The following ZBTB46 variants were observed in gnomAD, a reference collection of about 807,000 sequenced individuals.
ZBTB46 encodes the protein zinc finger and BTB domain containing 46, also known as zinc finger and BTB domain-containing protein 46.
Under a neutral mutation model 44.1 loss-of-function variants are expected in ZBTB46, and 8 were observed. The observed-to-expected ratio is 0.18, with a 90% CI of 0.11 to 0.33. The LOEUF (loss-of-function observed/expected upper bound fraction) is 0.33, where lower values mean the gene tolerates loss of function less well. ZBTB46 is among the 10% of genes least tolerant of loss of function. The pLI is 1.00. For missense variants in ZBTB46, 651 were observed against 847.7 expected, an observed-to-expected ratio of 0.77 and a Z score of 2.88; for synonymous variants, 409 against 382.3, an observed-to-expected ratio of 1.07 and a Z score of -0.81.
intron 1 of ZBTB46, among the ~76,000 whole-genome samples, chr20:63,792,230 G>A (rs1277216914): frequency 6.6e-6 from 1 of 152,118 alleles, no homozygotes; most frequent in Non-Finnish European, 1.5e-5. Context: ...AAGGGGACAC[G>A]TTCACCCCAC....
intron 3 of ZBTB46, among the ~76,000 whole-genome samples, chr20:63,764,398 T>C (rs1360215812): frequency 6.6e-6 from 1 of 151,558 alleles, no homozygotes; most frequent in Non-Finnish European, 1.5e-5. Context: ...ATCGCACCAT[T>C]GCACTCCAGC....
chr20:63,808,976 C>CAAAAA (rs1157399042), intron 1 of ZBTB46, among the ~76,000 whole-genome samples: 13 of 75,176 alleles, frequency 1.7e-4, no homozygotes, highest in Non-Finnish European at 1.9e-4. Flanking sequence ...GACTCCGCTT[C>CAAAAA]AAAAAAAAAA....
intron 3 of ZBTB46, among the ~76,000 whole-genome samples, chr20:63,765,226 T>C (rs1228246461): frequency 6.6e-6 from 1 of 151,950 alleles, no homozygotes; most frequent in Non-Finnish European, 1.5e-5. Flanking sequence ...GCCCCTCAAG[T>C]CCCGGCTCCT....
At chr20:63,802,718 G>A (rs1363089986) in intron 1 of ZBTB46, among the ~76,000 whole-genome samples, 3 of 147,682 alleles carry the variant, frequency 2.0e-5, no homozygotes, top group Non-Finnish European at 4.5e-5. Context: ...CAGGCCCCCA[G>A]CACCCTCCCA....
At chr20:63,782,170 G>A (rs1408044166) in intron 2 of ZBTB46, among the ~76,000 whole-genome samples, 1 of 147,564 alleles carries the variant, frequency 6.8e-6, no homozygotes, top group Non-Finnish European at 1.5e-5. Context: ...GTGAGCCAAT[G>A]ACTCCTGCAG....
At chr20:63,794,920 A>C (rs1373863500) in intron 1 of ZBTB46, among the ~76,000 whole-genome samples, 1 of 152,186 alleles carries the variant, frequency 6.6e-6, no homozygotes, top group East Asian at 1.9e-4. Context: ...CACTTGGTAC[A>C]TCTCAGGTCC....
intron 3 of ZBTB46, among the ~76,000 whole-genome samples, chr20:63,754,532 G>A (rs891997785): frequency 2.6e-5 from 4 of 152,100 alleles, no homozygotes; most frequent in Non-Finnish European, 5.9e-5. Context: ...CTGGGCTCAA[G>A]CGATCCTCCC....
At position 63,803,566 on chromosome 20, in the gene ZBTB46, C is replaced by A; in HGVS notation, c.-33-12776G>T. The A allele has an allele frequency of 1.0e-6, 1 of 967,408 alleles. No individual in the cohort carries two copies. The highest frequency in any genetic ancestry group is 1.2e-6 in the Non-Finnish European group (1 of 818,942). 59.9% of individuals were successfully genotyped at this position (967,408 alleles called of 1,614,324 possible). A position where few individuals can be genotyped will look rare whatever the true frequency, so the allele number is the denominator to read the frequency against. ...GTCTGCCGGCCCCGGGCTGCCCAGG[C>A]CCCGGGCTGCCCAGGTCTCTGTCGG... On this transcript the variant is annotated intron_variant, in intron 1 of 4. Coordinates refer to ENST00000245663, the MANE Select transcript of ZBTB46 (RefSeq NM_001369741.1). The surrounding 1 kb of genome is among the most constrained non-coding windows in gnomAD (Gnocchi z 4.0).
chr20:63,756,262 A>G (rs1277703573), intron 3 of ZBTB46, among the ~76,000 whole-genome samples: 1 of 152,208 alleles, frequency 6.6e-6, no homozygotes, highest in African/African-American at 2.4e-5. Context: ...TTTTCATGAT[A>G]GTGTCAAAGA....
intron 4 of ZBTB46, among the ~76,000 whole-genome samples, chr20:63,751,698 A>AAGCCCCGCCCCCCGGTGGGTCTCCCCATG (rs2092165517): frequency 4.2e-5 from 2 of 47,158 alleles, no homozygotes. Context: ...GTCTCCCCAT[A>AAGCCCCGCCCCCCGGTGGGTCTCCCCATG]AAGCCCCGCC....
intron 1 of ZBTB46, among the ~76,000 whole-genome samples, chr20:63,829,493 C>T (rs2146114591): frequency 6.6e-6 from 1 of 152,370 alleles, no homozygotes; most frequent in African/African-American, 2.4e-5. Flanking sequence ...AGTAACTCCC[C>T]AGCCCTCTTC....
chr20:63,768,531 C>T, intron 3 of ZBTB46, among the ~76,000 whole-genome samples: 2 of 152,116 alleles, frequency 1.3e-5, no homozygotes, highest in African/African-American at 2.4e-5. Flanking sequence ...CTCTTGAACC[C>T]CGAAGGTGGA....
intron 3 of ZBTB46, chr20:63,769,468 TCTTCCCGG>T: frequency 1.0e-6 from 1 of 983,626 alleles, no homozygotes; most frequent in Non-Finnish European, 1.2e-6. Context: ...GCACTGACGA[TCTTCCCGG>T]CATGCGGTGT....
At chr20:63,817,257 T>A (rs1242650919) in intron 1 of ZBTB46, among the ~76,000 whole-genome samples, 4 of 151,704 alleles carry the variant, frequency 2.6e-5, no homozygotes, top group Admixed American at 6.6e-5. Flanking sequence ...AGTAAAAAAA[T>A]TAGCCAGGTA....
In ZBTB46 at chr20:63,790,789, C is replaced by T; in HGVS notation, c.-32G>A. On this transcript the variant is annotated splice_region_variant and 5_prime_UTR_variant, in exon 2 of 5. Transcript: ENST00000245663. Reference sequence around the variant, plus strand: ...GCCCTGGTGTCGCCTCTTCTACAGACTCTGTGGAGGTAAGAACAAGAGTTA... The same window carrying T: ...GCCCTGGTGTCGCCTCTTCTACAGATTCTGTGGAGGTAAGAACAAGAGTTA... The T allele has an allele frequency of 6.4e-7, 1 of 1,560,660 alleles. No homozygotes were observed. The highest frequency in any genetic ancestry group is 1.3e-5 in the African/African-American group (1 of 74,078).
At chr20:63,826,065 C>T (rs1477179227) in intron 1 of ZBTB46, among the ~76,000 whole-genome samples, 1 of 152,248 alleles carries the variant, frequency 6.6e-6, no homozygotes, top group Non-Finnish European at 1.5e-5. Context: ...CACATCTCCA[C>T]AGAGGAGCAC....
intron 4 of ZBTB46, among the ~76,000 whole-genome samples, chr20:63,748,066 C>T (rs1029089807): frequency 6.0e-5 from 9 of 150,734 alleles, no homozygotes; most frequent in African/African-American, 2.2e-4. Flanking sequence ...CAGCCCCTGA[C>T]CCCCTCAGTC....
Position 63,790,215 on chromosome 20 carries a change from G to C in ZBTB46, c.543C>G (p.Ser181=), listed in dbSNP as rs758401422. The C allele has an allele frequency of 6.2e-7, 1 of 1,612,454 alleles. No homozygotes were observed. Among genetic ancestry groups the C allele is most frequent in the African/African-American group, 1.3e-5 (1 of 74,926 alleles). The stretch of plus-strand genomic sequence containing the variant: ...GACAGCTGGCGATGGCCGAGTCTCC[G>C]GAAGAATTGGCAGGACTCGTTCGCC... ...LARRTSPANS[S]GDSAIASCHD... is the part of the protein sequence containing the mutation. The change falls in exon 2 of 5, where the codon TCC becomes TCG. Residue 181 remains serine, a synonymous_variant. Coordinates refer to ENST00000245663, the MANE Select transcript of ZBTB46 (RefSeq NM_001369741.1).
At position 63,823,858 on chromosome 20, in the gene ZBTB46, TTGTG is replaced by T. The variant is rs11474683; in HGVS notation, c.-34+7235_-34+7238del. Among the ~76,000 whole-genome samples the T allele has an allele frequency of 3.3e-4, 48 of 144,806 alleles. 1 individual carries two copies. The highest frequency in any genetic ancestry group is 8.6e-4 in the African/African-American group (33 of 38,470). The allele number at this position is 144,806 out of a possible 152,430, so 95.0% of individuals were successfully genotyped here. A position where few individuals can be genotyped will look rare whatever the true frequency, so the allele number is the denominator to read the frequency against. ...TCCTGACCTTTGTCCTCTAGGAACC[TTGTG>T]TGTGTGTGTGTGTGTGTGTGTGTGT... On this transcript the variant is annotated intron_variant, in intron 1 of 4. Coordinates refer to ENST00000245663, the MANE Select transcript of ZBTB46 (RefSeq NM_001369741.1).
Sources: gnomAD v4.1 joint callset for allele counts (sites outside exome capture counted in the v4.1 genomes callset) on GRCh38, gnomAD v4.1.1 for gene constraint, Gnocchi (gnomAD v3.1) non-coding constraint, MANE v1.5 for transcripts, NCBI Gene and HGNC (gene_info 2026-07-23, HGNC 2026-07-21) for gene names.